The following PCDHGB7 variants were observed in gnomAD, a reference collection of about 807,000 sequenced individuals.
The protein encoded by PCDHGB7 is protocadherin gamma subfamily B, 7, also known as protocadherin gamma-B7.
PCDHGB7 carries 37 observed loss-of-function variants against 61.4 expected under a neutral mutation model. The observed-to-expected ratio is 0.60, with a 90% CI of 0.46 to 0.79. The LOEUF (loss-of-function observed/expected upper bound fraction) is 0.79. Ranked by LOEUF, PCDHGB7 falls within the 30% of genes least tolerant of loss-of-function variation. The pLI, the probability that PCDHGB7 is intolerant of heterozygous loss-of-function variation, is 0.00. For synonymous variants in PCDHGB7, 464 were observed against 503.5 expected (o/e 0.92, Z 1.05); for missense variants, 1,166 against 1,202.5 (o/e 0.97, Z 0.45).
Position 141,490,070 on chromosome 5 carries a change from T to C in PCDHGB7, c.2416-4737T>C, listed in dbSNP as rs2099695766. ...CCAGACGAGGGCACCAACGGCCAAC[T>C]AGACTATTCTTTTGGAGACCACACA... On this transcript the variant is annotated intron_variant, in intron 1 of 3. Transcript: ENST00000398594. The surrounding 1 kb of genome is among the most constrained non-coding windows in gnomAD (Gnocchi z 5.4). The C allele has an allele frequency of 6.2e-7, 1 of 1,614,198 alleles. No individual in the cohort carries two copies.
Position 141,489,575 on chromosome 5 carries a change from AC to A in PCDHGB7, c.2416-5227del. On this transcript the variant is annotated intron_variant, in intron 1 of 3. Coordinates refer to ENST00000398594, the MANE Select transcript of PCDHGB7 (RefSeq NM_018927.4). This position sits in a 1 kb window ranked among gnomAD's most constrained non-coding sequence, Gnocchi z 4.5. ...CTGCCAGTGCAGGTGGTGACTGAAC[AC>A]CCCCTGGAGCTAATCCGTGTAGAGG... 1 of 1,613,788 alleles carries A rather than the reference AC, an allele frequency of 6.2e-7. No individual in the cohort carries two copies. Among genetic ancestry groups the A allele is most frequent in the Middle Eastern group, 1.6e-4 (1 of 6,062 alleles).
intron 1 of PCDHGB7, among the ~76,000 whole-genome samples, chr5:141,468,857 C>A (rs1386167428): frequency 2.0e-5 from 3 of 151,962 alleles, no homozygotes; most frequent in Non-Finnish European, 4.4e-5. Context: ...CAGAGCGAGA[C>A]TCCATCTCAA....
At chr5:141,442,708 A>C (rs2098338740) in intron 1 of PCDHGB7, among the ~76,000 whole-genome samples, 2 of 152,254 alleles carry the variant, frequency 1.3e-5, no homozygotes, top group Non-Finnish European at 2.9e-5. Context: ...AGTATCAGAC[A>C]TGCCAGAGCA....
Position 141,419,894 on chromosome 5 carries a change from C to G in PCDHGB7, c.2035C>G (p.Pro679Ala). The G allele has an allele frequency of 6.2e-7, 1 of 1,613,926 alleles. No homozygotes were observed. The highest frequency in any genetic ancestry group is 8.5e-7 in the Non-Finnish European group (1 of 1,179,746). The stretch of plus-strand genomic sequence containing the variant: ...GGTACTGCCGGATTTCAGCGACCAT[C>G]CCACACCCTCTGACTCCCAGGCTGA... The part of the protein sequence containing the change: ...QEVLPDFSDH[P>A]TPSDSQAEMQ... The change falls in exon 1 of 4, where the codon CCC becomes GCC. Residue 679 changes from proline (P) to alanine (A), a missense_variant. Physicochemically the swap from Pro to Ala is conservative, Grantham distance 27. Coordinates refer to ENST00000398594, the MANE Select transcript of PCDHGB7 (RefSeq NM_018927.4).
Position 141,512,554 on chromosome 5 carries a change from T to TAG in PCDHGB7, c.*1383_*1384dup, listed in dbSNP as rs2099884300. ...AAGTTCCCCAGTGCCTCCTTGTGCA[T>TAG]AGACCTTCTTCTCCCACCCCCTTCT... is the stretch of plus-strand genomic sequence containing the variant. On this transcript the variant is annotated 3_prime_UTR_variant, in exon 4 of 4. Coordinates refer to ENST00000398594, the MANE Select transcript of PCDHGB7 (RefSeq NM_018927.4). 6.5e-6 allele frequency: 1 copy of TAG among 153,012 alleles called. No homozygotes were observed. Among genetic ancestry groups the TAG allele is most frequent in the Non-Finnish European group, 1.5e-5 (1 of 68,482 alleles). 9.5% of individuals were successfully genotyped at this position (153,012 alleles called of 1,614,324 possible).
At chr5:141,453,319 G>T (rs2098762311) in intron 1 of PCDHGB7, among the ~76,000 whole-genome samples, 1 of 151,492 alleles carries the variant, frequency 6.6e-6, no homozygotes, top group Admixed American at 6.6e-5. Flanking sequence ...TTATTTTAGA[G>T]ATGGGGTCTC....
chr5:141,444,152 A>AT (rs747671382), intron 1 of PCDHGB7, among the ~76,000 whole-genome samples: 1,130 of 33,890 alleles, frequency 0.033, 460 homozygotes, highest in Non-Finnish European at 0.038. Flanking sequence ...TGTGTACTGG[A>AT]TTTTTTTTTT....
At chr5:141,455,959 G>A (rs112864392) in intron 1 of PCDHGB7, among the ~76,000 whole-genome samples, 2 of 150,430 alleles carry the variant, frequency 1.3e-5, no homozygotes. Flanking sequence ...GTGCAGTGGC[G>A]CGATCTCAGC....
Position 141,489,934 on chromosome 5 carries a change from G to A in PCDHGB7, c.2416-4873G>A, listed in dbSNP as rs777780708. 1.7e-5 allele frequency: 28 copies of A among 1,614,176 alleles called. No homozygotes were observed. Among genetic ancestry groups the A allele is most frequent in the East Asian group, 6.7e-5 (3 of 44,876 alleles). On this transcript the variant is annotated intron_variant, in intron 1 of 3. Coordinates refer to ENST00000398594, the MANE Select transcript of PCDHGB7 (RefSeq NM_018927.4). This position sits in a 1 kb window ranked among gnomAD's most constrained non-coding sequence, Gnocchi z 4.5. ...AGGGACCACCCTTATCTCTGTCATCGTGCTGGACATCAATGATAATGCTCC... is the reference window on the plus strand; with the variant it reads ...AGGGACCACCCTTATCTCTGTCATCATGCTGGACATCAATGATAATGCTCC...
rs188338684 is a variant in PCDHGB7, at chr5:141,431,953, C to T, written c.2415+11679C>T. ...TGCCCTTTAAATTAGAAAAATCTTA[C>T]GGAAATTACTATAGTTTAGTCACAG... On this transcript the variant is annotated intron_variant, in intron 1 of 3. Transcript: ENST00000398594. The surrounding 1 kb of genome is among the most constrained non-coding windows in gnomAD (Gnocchi z 4.8). 2.4e-5 allele frequency: 38 copies of T among 1,614,082 alleles called. No homozygotes were observed. In the East Asian group the frequency reaches 7.6e-4, roughly 32 times the overall value.
Position 141,485,172 on chromosome 5 carries a change from C to A in PCDHGB7, c.2416-9635C>A. ...CAAGTAGAGAATTAGCGGGCGGCAG[C>A]AATGCTCCGCAAGGTGAGAAGCTGG... On this transcript the variant is annotated intron_variant, in intron 1 of 3. Transcript: ENST00000398594. The surrounding 1 kb of genome is among the most constrained non-coding windows in gnomAD (Gnocchi z 5.7). 6.2e-7 allele frequency: 1 copy of A among 1,610,164 alleles called. No individual in the cohort carries two copies. The highest frequency in any genetic ancestry group is 8.5e-7 in the Non-Finnish European group (1 of 1,176,940).
intron 1 of PCDHGB7, among the ~76,000 whole-genome samples, chr5:141,480,259 G>A (rs1285833242): frequency 2.0e-5 from 3 of 151,174 alleles, no homozygotes; most frequent in African/African-American, 7.3e-5. Flanking sequence ...AAAAAAATGT[G>A]TTTTCATTAG....
At chr5:141,422,202 T>C (rs1272540004) in intron 1 of PCDHGB7, 1 of 1,561,656 alleles carries the variant, frequency 6.4e-7, no homozygotes, top group Admixed American at 2.0e-5. Flanking sequence ...GCCAAGATGG[T>C]GGAGGTCTCT....
At position 141,462,908 on chromosome 5, in the gene PCDHGB7, T is replaced by G. The variant is rs186061013; in HGVS notation, c.2416-31899T>G. ...AGTTTGTTTTGGAAGGCTATTATGT[T>G]TTTTGCAGATCAGGTTGATCTTTTC... On this transcript the variant is annotated intron_variant, in intron 1 of 3. Coordinates refer to ENST00000398594, the MANE Select transcript of PCDHGB7 (RefSeq NM_018927.4). Among the ~76,000 whole-genome samples the G allele has an allele frequency of 1.4e-4, 21 of 152,362 alleles. No individual in the cohort carries two copies. The East Asian group carries it at 3.5e-3, about 25-fold the overall frequency.
At position 141,421,474 on chromosome 5, in the gene PCDHGB7, G is replaced by C. The variant is rs1320526226; in HGVS notation, c.2415+1200G>C. 4 of 1,614,132 alleles carry C rather than the reference G, an allele frequency of 2.5e-6. No homozygotes were observed. The African/African-American group carries it at 5.3e-5, about 21-fold the overall frequency. On this transcript the variant is annotated intron_variant, in intron 1 of 3. Coordinates refer to ENST00000398594, the MANE Select transcript of PCDHGB7 (RefSeq NM_018927.4). ...GCTTTTCGCTGTGAATCCGCGAAGCGGCAGCTTGATCACGGCAGGCAGGAT... is the reference window on the plus strand; with the variant it reads ...GCTTTTCGCTGTGAATCCGCGAAGCCGCAGCTTGATCACGGCAGGCAGGAT...
At chr5:141,458,632 C>T (rs779075931) in intron 1 of PCDHGB7, among the ~76,000 whole-genome samples, 1 of 151,898 alleles carries the variant, frequency 6.6e-6, no homozygotes, top group Non-Finnish European at 1.5e-5. Context: ...TGCAGTGGCA[C>T]AATCCCAGCT....
Position 141,487,632 on chromosome 5 carries a change from C to G in PCDHGB7, c.2416-7175C>G, listed in dbSNP as rs374506603. The G allele has an allele frequency of 6.2e-7, 1 of 1,614,186 alleles. No homozygotes were observed. Among genetic ancestry groups the G allele is most frequent in the East Asian group, 2.2e-5 (1 of 44,888 alleles). On this transcript the variant is annotated intron_variant, in intron 1 of 3. Coordinates refer to ENST00000398594, the MANE Select transcript of PCDHGB7 (RefSeq NM_018927.4). The surrounding 1 kb of genome is among the most constrained non-coding windows in gnomAD (Gnocchi z 5.0). ...GGGCTAGAGGTGAGACCTTTGCAGG[C>G]TCAACAAATGCTTGAGGGTTATTCT... is the stretch of plus-strand genomic sequence containing the variant.
intron 2 of PCDHGB7, among the ~76,000 whole-genome samples, chr5:141,499,317 A>G (rs532848559): frequency 7.9e-5 from 12 of 152,354 alleles, no homozygotes; most frequent in Admixed American, 1.3e-4. Context: ...GAGAGACAGT[A>G]TCCCTGCTCT....
Position 141,468,058 on chromosome 5 carries a change from C to T in PCDHGB7, c.2416-26749C>T, listed in dbSNP as rs993225792. ...TAGAAAACTAAGCCGGGCACAGTGG[C>T]TCACACCTGTAATCCCAGCACTTTG... On this transcript the variant is annotated intron_variant, in intron 1 of 3. Transcript: ENST00000398594. 1.1e-4 allele frequency among the ~76,000 whole-genome samples: 16 copies of T among 152,140 alleles called. 2 individuals carry two copies. The highest frequency in any genetic ancestry group is 5.2e-4 in the Admixed American group (8 of 15,276).
Sources: allele counts gnomAD v4.1 joint callset (sites outside exome capture counted in the v4.1 genomes callset), GRCh38; gene constraint gnomAD v4.1.1; non-coding constraint Gnocchi (gnomAD v3.1); transcripts MANE v1.5; gene names NCBI Gene and HGNC (gene_info 2026-07-23, HGNC 2026-07-21).